THSD7B: variants seen among roughly 807,000 people sequenced by gnomAD.
The protein encoded by THSD7B is thrombospondin type 1 domain containing 7B.
THSD7B carries 138 observed loss-of-function variants against 213.6 expected under a neutral mutation model. That is an observed-to-expected ratio of 0.65 (90% CI 0.56 to 0.74). The LOEUF (loss-of-function observed/expected upper bound fraction) is 0.74, where lower values mean the gene tolerates loss of function less well. Ranked by LOEUF, THSD7B falls within the 30% of genes least tolerant of loss-of-function variation. THSD7B has a pLI of 0.00. For missense variants in THSD7B, 1,931 were observed against 1,991.5 expected, an observed-to-expected ratio of 0.97 and a Z score of 0.58; for synonymous variants, 742 against 687.0, an observed-to-expected ratio of 1.08 and a Z score of -1.25.
At chr2:137,255,776 A>G (rs79750680) in intron 10 of THSD7B, among the ~76,000 whole-genome samples, 3,395 of 152,184 alleles carry the variant, frequency 0.022, 50 homozygotes, top group East Asian at 0.052. Context: ...TGATGCAGTC[A>G]TAGCTCACTG....
intron 10 of THSD7B, among the ~76,000 whole-genome samples, chr2:137,261,740 T>C (rs1328865150): frequency 6.6e-6 from 1 of 152,106 alleles, no homozygotes; most frequent in East Asian, 1.9e-4. Context: ...TAATTTTAAT[T>C]AGTTTGTATT....
At chr2:137,647,985 T>C (rs2104867692) in intron 21 of THSD7B, among the ~76,000 whole-genome samples, 1 of 152,350 alleles carries the variant, frequency 6.6e-6, no homozygotes, top group East Asian at 1.9e-4. Flanking sequence ...AGCTATCAAC[T>C]GAAGTTATCC....
At chr2:137,662,363 G>A (rs1036738177) in intron 25 of THSD7B, among the ~76,000 whole-genome samples, 2 of 151,098 alleles carry the variant, frequency 1.3e-5, no homozygotes, top group Non-Finnish European at 2.9e-5. Flanking sequence ...GATTACAGGC[G>A]TGAGCCACAG....
intron 20 of THSD7B, among the ~76,000 whole-genome samples, chr2:137,632,701 A>G (rs373379576): frequency 2.0e-5 from 3 of 150,404 alleles, no homozygotes; most frequent in East Asian, 2.2e-4. Context: ...ATCTTCTGCC[A>G]TAAAATGCCA....
At chr2:137,649,208 T>G (rs1166854826) in intron 21 of THSD7B, among the ~76,000 whole-genome samples, 1 of 152,226 alleles carries the variant, frequency 6.6e-6, no homozygotes, top group Non-Finnish European at 1.5e-5. Flanking sequence ...AAACATTTTC[T>G]CCCATTCTGT....
At chr2:137,167,162 C>T (rs758279528) in intron 6 of THSD7B, among the ~76,000 whole-genome samples, 1 of 151,456 alleles carries the variant, frequency 6.6e-6, no homozygotes, top group Non-Finnish European at 1.5e-5. Context: ...GTTTAACCTG[C>T]TAGACTTTCT....
At chr2:136,957,383 C>T (rs1163557822) in intron 2 of THSD7B, among the ~76,000 whole-genome samples, 5 of 151,140 alleles carry the variant, frequency 3.3e-5, no homozygotes, top group Non-Finnish European at 7.4e-5. Context: ...CTGTATGAGC[C>T]CAGAGTCCTG....
chr2:136,854,181 G>GA (rs1430746986), intron 1 of THSD7B, among the ~76,000 whole-genome samples: 2 of 151,860 alleles, frequency 1.3e-5, no homozygotes, highest in African/African-American at 4.8e-5. Context: ...AACAGCTGGG[G>GA]GGGAATAAAA....
intron 10 of THSD7B, among the ~76,000 whole-genome samples, chr2:137,266,177 T>C (rs1682586012): frequency 6.6e-6 from 1 of 152,222 alleles, no homozygotes; most frequent in African/African-American, 2.4e-5. Flanking sequence ...GAAAATTCCT[T>C]GCATCTGGCA....
At chr2:136,810,512 A>G (rs556582155) in intron 1 of THSD7B, among the ~76,000 whole-genome samples, 14 of 152,214 alleles carry the variant, frequency 9.2e-5, no homozygotes, top group Middle Eastern at 3.2e-3. Context: ...AAGTGAAACT[A>G]TAAAAGATAC....
At chr2:137,662,197 G>C (rs1353187430) in intron 25 of THSD7B, among the ~76,000 whole-genome samples, 3 of 148,346 alleles carry the variant, frequency 2.0e-5, no homozygotes, top group Admixed American at 6.7e-5. Context: ...CAAGTAGCTA[G>C]GACTACAGAT....
chr2:137,552,398 A>G (rs1316195015), intron 15 of THSD7B, among the ~76,000 whole-genome samples: 1 of 152,208 alleles, frequency 6.6e-6, no homozygotes, highest in East Asian at 1.9e-4. Context: ...TGGCCCCTCC[A>G]GAATTGGCAT....
chr2:137,431,455 A>C (rs936585641), intron 14 of THSD7B, among the ~76,000 whole-genome samples: 5 of 152,172 alleles, frequency 3.3e-5, no homozygotes, highest in African/African-American at 1.2e-4. Context: ...GCCTGGAAGA[A>C]AAAGATCTAG....
intron 14 of THSD7B, among the ~76,000 whole-genome samples, chr2:137,423,171 A>C (rs144676486): frequency 1.3e-5 from 2 of 152,250 alleles, no homozygotes; most frequent in African/African-American, 4.8e-5. Context: ...GAAAGGCTAC[A>C]AAGTAACTTT....
At chr2:136,871,372 A>AGAGAGT (rs1379657425) in intron 1 of THSD7B, among the ~76,000 whole-genome samples, 1 of 152,192 alleles carries the variant, frequency 6.6e-6, no homozygotes, top group African/African-American at 2.4e-5. Flanking sequence ...GAGTCTGAGG[A>AGAGAGT]CAGAGTCAGA....
chr2:137,324,195 G>T (rs1684318789), intron 12 of THSD7B, among the ~76,000 whole-genome samples: 1 of 152,016 alleles, frequency 6.6e-6, no homozygotes, highest in East Asian at 1.9e-4. Flanking sequence ...TTACTTCTCT[G>T]TGTCCTAAAT....
intron 1 of THSD7B, among the ~76,000 whole-genome samples, chr2:136,767,243 G>A (rs1681417439): frequency 6.6e-6 from 1 of 152,176 alleles, no homozygotes; most frequent in Non-Finnish European, 1.5e-5. Flanking sequence ...TTACTCAGTG[G>A]TGAGTGAAAG....
At chr2:137,080,050 C>T (rs968246620) in intron 3 of THSD7B, among the ~76,000 whole-genome samples, 1 of 152,104 alleles carries the variant, frequency 6.6e-6, no homozygotes, top group African/African-American at 2.4e-5. Context: ...CCATGTTGGC[C>T]AGGCTGGTCT....
rs1030783384 is a variant in THSD7B at position 137,271,055 on chromosome 2, T to C, written c.2267-1478T>C. Among the ~76,000 whole-genome samples, 6 of 152,178 alleles carry C rather than the reference T, an allele frequency of 3.9e-5. No individual in the cohort carries two copies. In the South Asian group the frequency reaches 1.2e-3, roughly 32 times the overall value. On this transcript the variant is annotated intron_variant, in intron 10 of 27. Coordinates refer to ENST00000409968, the MANE Select transcript of THSD7B (RefSeq NM_001316349.2). ...GTATTAATGATTTTTTTTAAATGCA[T>C]ATATAATTTTAATAAATTCTTATTT...
Sources: gnomAD v4.1 joint callset for allele counts (sites outside exome capture counted in the v4.1 genomes callset) on GRCh38, gnomAD v4.1.1 for gene constraint, MANE v1.5 for transcripts, NCBI Gene and HGNC (gene_info 2026-07-23, HGNC 2026-07-21) for gene names.